The following ADGRL2 variants were observed in gnomAD, a reference collection of about 807,000 sequenced individuals.
The protein encoded by ADGRL2 is adhesion G protein-coupled receptor L2, also known as calcium-independent alpha-latrotoxin receptor 2.
In ADGRL2, 44 loss-of-function variants were observed where a neutral mutation model predicts 157.4. The observed-to-expected ratio is 0.28, with a 90% CI of 0.22 to 0.36. ADGRL2 has a LOEUF of 0.36. Ranked by LOEUF, ADGRL2 falls within the 10% of genes least tolerant of loss-of-function variation. The pLI, the probability that ADGRL2 is intolerant of heterozygous loss-of-function variation, is 1.00. For missense variants in ADGRL2, 1,510 were observed against 1,768.9 expected, an observed-to-expected ratio of 0.85 and a Z score of 2.63; for synonymous variants, 585 against 624.7, an observed-to-expected ratio of 0.94 and a Z score of 0.95.
At chr1:81,928,073 T>C (rs2095149011) in intron 3 of ADGRL2, among the ~76,000 whole-genome samples, 1 of 152,078 alleles carries the variant, frequency 6.6e-6, no homozygotes, top group Non-Finnish European at 1.5e-5. Context: ...AGCAAATCTA[T>C]TTGCATTGGT....
chr1:81,633,030 T>C (rs2082044304), intron 3 of ADGRL2, among the ~76,000 whole-genome samples: 1 of 152,222 alleles, frequency 6.6e-6, no homozygotes, highest in Admixed American at 6.5e-5. Context: ...TTTTAGGATA[T>C]ACTACAGAGG....
At chr1:81,374,433 G>A (rs906001916) in intron 1 of ADGRL2, among the ~76,000 whole-genome samples, 20 of 152,036 alleles carry the variant, frequency 1.3e-4, no homozygotes, top group African/African-American at 3.9e-4. Flanking sequence ...TTAGCCGGAC[G>A]TGGTGGCGGG....
chr1:81,828,452 CAAT>C (rs1055068758), intron 1 of ADGRL2, among the ~76,000 whole-genome samples: 8 of 151,596 alleles, frequency 5.3e-5, no homozygotes, highest in African/African-American at 1.9e-4. Flanking sequence ...TGTGGAGTAG[CAAT>C]AATAAGTGAT....
intron 1 of ADGRL2, among the ~76,000 whole-genome samples, chr1:81,836,613 T>G (rs992450718): frequency 6.6e-6 from 1 of 152,094 alleles, no homozygotes; most frequent in Non-Finnish European, 1.5e-5. Flanking sequence ...ATTAGGAATG[T>G]GGCATTTTCA....
intron 3 of ADGRL2, among the ~76,000 whole-genome samples, chr1:81,908,536 G>A (rs1229934627): frequency 6.6e-6 from 1 of 152,194 alleles, no homozygotes; most frequent in Admixed American, 6.5e-5. Context: ...GTCAATTATG[G>A]ATAGAGCTAC....
intron 2 of ADGRL2, among the ~76,000 whole-genome samples, chr1:81,546,272 C>T (rs552625933): frequency 6.6e-6 from 1 of 152,266 alleles, no homozygotes; most frequent in South Asian, 2.1e-4. Context: ...ATGGGTTACA[C>T]GTGAACTTGG....
intron 3 of ADGRL2, among the ~76,000 whole-genome samples, chr1:81,677,336 G>T (rs185045232): frequency 6.6e-6 from 1 of 152,168 alleles, no homozygotes; most frequent in South Asian, 2.1e-4. Flanking sequence ...CCAACTCCTT[G>T]TGATCTAGTT....
intron 3 of ADGRL2, among the ~76,000 whole-genome samples, chr1:81,583,758 A>G (rs1040165857): frequency 3.3e-5 from 5 of 152,224 alleles, no homozygotes; most frequent in Non-Finnish European, 5.9e-5. Context: ...TAGAAAGCTT[A>G]TAACTCTTAC....
intron 1 of ADGRL2, among the ~76,000 whole-genome samples, chr1:81,383,487 C>A (rs1174736243): frequency 1.3e-5 from 2 of 151,186 alleles, no homozygotes; most frequent in Non-Finnish European, 2.9e-5. Context: ...TAAACAACAA[C>A]AAAAACTTCT....
intron 1 of ADGRL2, among the ~76,000 whole-genome samples, chr1:81,404,663 T>C (rs935022166): frequency 3.3e-5 from 5 of 152,220 alleles, no homozygotes; most frequent in African/African-American, 1.2e-4. Flanking sequence ...ACTTTCAATA[T>C]AGTTAACTTT....
At chr1:81,809,176 G>A (rs1003205106) in intron 1 of ADGRL2, among the ~76,000 whole-genome samples, 1 of 151,558 alleles carries the variant, frequency 6.6e-6, no homozygotes, top group African/African-American at 2.4e-5. Context: ...TCAGACACAG[G>A]GATTACACCT....
chr1:81,319,985 T>A (rs1292373958), intron 1 of ADGRL2, among the ~76,000 whole-genome samples: 1 of 152,246 alleles, frequency 6.6e-6, no homozygotes, highest in Non-Finnish European at 1.5e-5. Context: ...GATAGCATTT[T>A]ACCTGTAGAA....
At chr1:81,340,614 A>G (rs1662003853) in intron 1 of ADGRL2, among the ~76,000 whole-genome samples, 1 of 152,184 alleles carries the variant, frequency 6.6e-6, no homozygotes, top group African/African-American at 2.4e-5. Context: ...TAAAAGTAAG[A>G]AAGAAGAGGC....
At chr1:81,338,372 A>AAC (rs111605462) in intron 1 of ADGRL2, among the ~76,000 whole-genome samples, 13 of 150,976 alleles carry the variant, frequency 8.6e-5, no homozygotes, top group Non-Finnish European at 1.6e-4. Context: ...CAAAAAACAA[A>AAC]ACAAAACAAA....
intron 2 of ADGRL2, among the ~76,000 whole-genome samples, chr1:81,450,439 C>T (rs1377591499): frequency 6.6e-6 from 1 of 151,984 alleles, no homozygotes; most frequent in Non-Finnish European, 1.5e-5. Flanking sequence ...TGGCCCCAGT[C>T]TAAAGATAAA....
intron 1 of ADGRL2, among the ~76,000 whole-genome samples, chr1:81,703,699 G>A (rs924242730): frequency 1.3e-5 from 2 of 152,118 alleles, no homozygotes; most frequent in African/African-American, 4.8e-5. Context: ...AAAAATGTAA[G>A]GAGAATGAAG....
At chr1:81,987,783 T>G (rs1300097941) in intron 22 of ADGRL2, 86 bp from the exon 23 acceptor site, 1 of 264,968 alleles carries the variant, frequency 3.8e-6, no homozygotes, top group Non-Finnish European at 8.0e-6. Context: ...GGTTTCCATT[T>G]TTTTCTTAAA....
rs138399440 is a variant in ADGRL2 at position 81,666,353 on chromosome 1, T to C, written c.-143+85373T>C. 5.1e-3 allele frequency among the ~76,000 whole-genome samples: 782 copies of C among 152,224 alleles called. 1 individual carries two copies. The highest frequency in any genetic ancestry group is 8.8e-3 in the Admixed American group (134 of 15,278). ...TCCATGCCCCTCTGTATTTCCTCAC[T>C]CCTGTTGAAAATAAATAAATACAAG... On this transcript the variant is annotated intron_variant, in intron 3 of 24. Transcript: ENST00000370721.
intron 2 of ADGRL2, among the ~76,000 whole-genome samples, chr1:81,787,407 C>T (rs1206370524): frequency 6.6e-6 from 1 of 152,112 alleles, no homozygotes; most frequent in Non-Finnish European, 1.5e-5. Flanking sequence ...CCTGTAATCC[C>T]AGCACTTTAG....
Sources: allele counts gnomAD v4.1 joint callset (sites outside exome capture counted in the v4.1 genomes callset), GRCh38; gene constraint gnomAD v4.1.1; transcripts MANE v1.5; gene names NCBI Gene and HGNC (gene_info 2026-07-23, HGNC 2026-07-21).